The following RANBP2 variants were observed in gnomAD, a reference collection of about 807,000 sequenced individuals.
The protein encoded by RANBP2 is E3 SUMO-protein ligase RanBP2.
RANBP2 carries 57 observed loss-of-function variants against 303.6 expected under a neutral mutation model. The observed-to-expected ratio is 0.19, with a 90% CI of 0.15 to 0.23. RANBP2 has a LOEUF of 0.23. Ranked by LOEUF, RANBP2 falls within the 10% of genes least tolerant of loss-of-function variation. RANBP2 has a pLI of 1.00. For missense variants in RANBP2, 3,138 were observed against 3,780.8 expected (o/e 0.83, Z 4.46); for synonymous variants, 1,167 against 1,301.5 (o/e 0.90, Z 2.23).
chr2:108,775,633 A>G, intron 23 of RANBP2, 99 bp from the exon 24 acceptor site: 1 of 1,285,538 alleles, frequency 7.8e-7, no homozygotes, highest in Non-Finnish European at 1.1e-6. Context: ...TATCTTCTCC[A>G]GAAGCCCAAG....
At chr2:109,438,411 C>T in the RANBP2 span, among the ~76,000 whole-genome samples, 2 of 152,184 alleles carry the variant, frequency 1.3e-5, no homozygotes, top group Admixed American at 1.3e-4. Context: ...GCCCAGTGTT[C>T]AGCCTTGTGC....
At chr2:109,657,796 T>C in the RANBP2 span, among the ~76,000 whole-genome samples, 2 of 142,458 alleles carry the variant, frequency 1.4e-5, no homozygotes, top group African/African-American at 5.2e-5. Context: ...CTTGGCTCAC[T>C]GCAACCTCCT....
At chr2:108,918,736 C>A in the RANBP2 span, among the ~76,000 whole-genome samples, 2 of 152,144 alleles carry the variant, frequency 1.3e-5, no homozygotes, top group East Asian at 3.9e-4. Flanking sequence ...CCATTTACAG[C>A]CACAATAGCT....
chr2:109,454,302 C>CGCCTCA, the RANBP2 span, among the ~76,000 whole-genome samples: 1 of 152,204 alleles, frequency 6.6e-6, no homozygotes, highest in Non-Finnish European at 1.5e-5. Context: ...CTTCAGAAAG[C>CGCCTCA]GCCTCAGCTG....
At chr2:109,364,713 C>T in the RANBP2 span, among the ~76,000 whole-genome samples, 15 of 152,192 alleles carry the variant, frequency 9.9e-5, no homozygotes, top group African/African-American at 2.4e-4. Flanking sequence ...CAGTTTCCCC[C>T]ACTCCTCTGT....
chr2:109,139,236 A>G, the RANBP2 span, among the ~76,000 whole-genome samples: 2 of 152,204 alleles, frequency 1.3e-5, no homozygotes, highest in African/African-American at 4.8e-5. Flanking sequence ...TGCATGAGAA[A>G]ATGCGTGCAG....
chr2:109,419,532 T>C, the RANBP2 span: 1 of 1,587,550 alleles, frequency 6.3e-7, no homozygotes, highest in Middle Eastern at 1.7e-4. Flanking sequence ...CTCTTGTCTG[T>C]TTCCAGGATG....
At chr2:109,533,968 T>TGAGGCCAGACCGGGAG in the RANBP2 span, among the ~76,000 whole-genome samples, 1 of 152,204 alleles carries the variant, frequency 6.6e-6, no homozygotes, top group Admixed American at 6.5e-5. Flanking sequence ...GGGCAGTCAG[T>TGAGGCCAGACCGGGAG]GAGGCCAGAC....
In RANBP2 at chr2:108,767,237, C is replaced by T. The variant is rs753471961; in HGVS notation, c.6698C>T (p.Ala2233Val). The T allele has an allele frequency of 5.6e-6, 9 of 1,611,910 alleles. No homozygotes were observed. The highest frequency in any genetic ancestry group is 7.6e-6 in the Non-Finnish European group (9 of 1,179,874). ...GATAACTATGATTTAAGGGAAGATG[C>T]TTTGGATGATAGTGTCAGTAGTAGC... is the stretch of plus-strand genomic sequence containing the variant. ...EWDNYDLRED[A>V]LDDSVSSSSV... The change falls in exon 20 of 29, where the codon GCT becomes GTT. Residue 2233 changes from alanine (A) to valine (V), a missense_variant. Transcript: ENST00000283195.
the RANBP2 span, among the ~76,000 whole-genome samples, chr2:109,694,667 G>A: frequency 1.3e-5 from 2 of 152,096 alleles, no homozygotes; most frequent in Non-Finnish European, 2.9e-5. Context: ...CTGAAAATCC[G>A]AAATGTGAAG....
At chr2:108,832,762 A>C in the RANBP2 span, among the ~76,000 whole-genome samples, 6 of 152,292 alleles carry the variant, frequency 3.9e-5, no homozygotes, top group South Asian at 1.0e-3. Context: ...TGAGACAGAC[A>C]CCTAGTAGTT....
intron 6 of RANBP2, among the ~76,000 whole-genome samples, chr2:108,737,875 C>CTG (rs1695741365): frequency 1.3e-5 from 2 of 150,214 alleles, no homozygotes; most frequent in Admixed American, 1.3e-4. Flanking sequence ...CACCACGCTC[C>CTG]GCTAATTTTT....
chr2:109,130,695 T>G, the RANBP2 span, among the ~76,000 whole-genome samples: 1 of 152,196 alleles, frequency 6.6e-6, no homozygotes, highest in Non-Finnish European at 1.5e-5. Context: ...GACTTGGCAG[T>G]GTCTAACCAG....
At chr2:109,486,834 G>A in the RANBP2 span, among the ~76,000 whole-genome samples, 3 of 152,204 alleles carry the variant, frequency 2.0e-5, no homozygotes, top group African/African-American at 7.2e-5. Context: ...TTCCATGGAG[G>A]AAGGACCAGT....
chr2:109,065,436 G>A, the RANBP2 span, among the ~76,000 whole-genome samples: 5 of 152,152 alleles, frequency 3.3e-5, no homozygotes, highest in Non-Finnish European at 7.3e-5. Context: ...AGTTCTTGCT[G>A]GGCGTCACTC....
the RANBP2 span, among the ~76,000 whole-genome samples, chr2:109,739,690 C>T: frequency 1.4e-3 from 211 of 152,146 alleles, no homozygotes; most frequent in Non-Finnish European, 1.5e-3. Context: ...TTTACGTCTT[C>T]CTTTCCAATT....
At chr2:109,217,332 T>C in the RANBP2 span, among the ~76,000 whole-genome samples, 1 of 152,232 alleles carries the variant, frequency 6.6e-6, no homozygotes, top group African/African-American at 2.4e-5. Flanking sequence ...TCTTTGTAGA[T>C]ACGTATTTGG....
At chr2:109,528,795 C>T in the RANBP2 span, among the ~76,000 whole-genome samples, 4 of 152,200 alleles carry the variant, frequency 2.6e-5, no homozygotes, top group African/African-American at 9.7e-5. Flanking sequence ...ATCAGCCCAT[C>T]TTGAGATGGA....
the RANBP2 span, among the ~76,000 whole-genome samples, chr2:109,340,812 G>C: frequency 6.6e-6 from 1 of 152,140 alleles, no homozygotes; most frequent in African/African-American, 2.4e-5. Flanking sequence ...TTTGTCAAAA[G>C]GTGCATTCTA....
Sources: gnomAD v4.1 joint callset for allele counts (sites outside exome capture counted in the v4.1 genomes callset) on GRCh38, gnomAD v4.1.1 for gene constraint, MANE v1.5 for transcripts, NCBI Gene and HGNC (gene_info 2026-07-23, HGNC 2026-07-21) for gene names.